The following FBXO7 variants were observed in gnomAD, a reference collection of about 807,000 sequenced individuals.
FBXO7 encodes the protein F-box protein 7, also known as F-box only protein 7.
FBXO7 carries 31 observed loss-of-function variants against 50.2 expected under a neutral mutation model. That is an observed-to-expected ratio of 0.62 (90% confidence interval 0.46 to 0.83). FBXO7 has a LOEUF of 0.83. Among genes scored for constraint, FBXO7 ranks in the 40% least tolerant of loss-of-function variants. The probability of loss-of-function intolerance (pLI) is 0.00; values close to 1 mark genes in which losing one functional copy is unlikely to be tolerated. For synonymous variants in FBXO7, 256 were observed against 253.1 expected, an observed-to-expected ratio of 1.01 and a Z score of -0.11; for missense variants, 667 against 646.6, an observed-to-expected ratio of 1.03 and a Z score of -0.34.
rs755425938 is a variant in FBXO7, at chr22:32,487,748, C to T, written c.791C>T (p.Thr264Ile). 6.3e-7 allele frequency: 1 copy of T among 1,594,346 alleles called. No individual in the cohort carries two copies. The highest frequency in any genetic ancestry group is 8.6e-7 in the Non-Finnish European group (1 of 1,163,004). The part of the protein sequence containing the change: ...PLGNLIVVNA[T>I]LKINNEIRSV... The stretch of plus-strand genomic sequence containing the variant: ...TCTTTCTTTTGTTTATTTACAGCTA[C>T]ACTAAAAATCAACAATGAGATTAGA... The change falls in exon 5 of 9, where the codon ACA (threonine) becomes ATA (isoleucine). Residue 264 changes from threonine (T) to isoleucine (I), a missense_variant. Transcript: ENST00000266087.
intron 6 of FBXO7, 76 bp downstream of exon 6, chr22:32,491,257 GA>G: frequency 9.4e-7 from 1 of 1,066,706 alleles, no homozygotes; most frequent in East Asian, 2.4e-5. Context: ...TGGTGAGTAT[GA>G]CATCTGACTG....
chr22:32,486,916 A>G (rs933057874), intron 4 of FBXO7, among the ~76,000 whole-genome samples: 3 of 152,240 alleles, frequency 2.0e-5, no homozygotes, highest in Non-Finnish European at 1.5e-5. Context: ...CAAATAGTAA[A>G]TGTGTAGTTG....
Position 32,490,270 on chromosome 22 carries a change from T to G in FBXO7, c.872-816T>G, listed in dbSNP as rs368025234. On this transcript the variant is annotated intron_variant, in intron 5 of 8. Coordinates refer to ENST00000266087, the MANE Select transcript of FBXO7 (RefSeq NM_012179.4). ...AAACAGTTGAGCAAAAAGGTGAGGA[T>G]CAGAGGGGCAGGTTATTTGTCCAAG... The G allele has an allele frequency of 5.3e-5, 8 of 152,296 alleles. No individual in the cohort carries two copies. In the South Asian group the frequency reaches 8.3e-4, roughly 16 times the overall value. The allele number at this position is 152,296 out of a possible 1,614,324, so 9.4% of individuals were successfully genotyped here.
At chr22:32,489,350 A>C (rs1186115014) in intron 5 of FBXO7, 1 of 152,256 alleles carries the variant, frequency 6.6e-6, no homozygotes, top group Non-Finnish European at 1.5e-5. Context: ...CATAAACTGG[A>C]CTGATGAATT....
At chr22:32,492,883 A>G in intron 6 of FBXO7, 1 of 584,554 alleles carries the variant, frequency 1.7e-6, no homozygotes, top group South Asian at 2.1e-5. Flanking sequence ...CCACTAAAAC[A>G]TAAAGGGAAT....
chr22:32,479,354 C>A, intron 2 of FBXO7, 79 bp downstream of exon 2: 2 of 1,318,294 alleles, frequency 1.5e-6, no homozygotes, highest in Non-Finnish European at 2.2e-6. Flanking sequence ...CTGTTCCAGT[C>A]AGGATAATTA....
At chr22:32,485,025 C>T in intron 3 of FBXO7, 43 bp from the exon 4 acceptor site, 1 of 1,613,484 alleles carries the variant, frequency 6.2e-7, no homozygotes, top group Non-Finnish European at 8.5e-7. Flanking sequence ...TTGAGAGTAA[C>T]ACCTTTCTTC....
At chr22:32,475,348 G>C (rs768988785) in intron 1 of FBXO7, 2 of 1,608,572 alleles carry the variant, frequency 1.2e-6, no homozygotes, top group African/African-American at 1.3e-5. Flanking sequence ...GCTGGGGTCC[G>C]GCTCCTGGAG....
chr22:32,478,378 A>G (rs1331196274), intron 1 of FBXO7, among the ~76,000 whole-genome samples: 1 of 152,184 alleles, frequency 6.6e-6, no homozygotes, highest in Non-Finnish European at 1.5e-5. Flanking sequence ...GTCAATTGAT[A>G]TGTCATTGAT....
In FBXO7 at chr22:32,474,888, G is replaced by A. The variant is rs2057415313; in HGVS notation, c.-115G>A. ...CCCGTTTCGCCTCAGCTACCCCTCA[G>A]CTCCGGTAGTCGCCAGTCCGGGGTC... On this transcript the variant is annotated 5_prime_UTR_variant, in exon 1 of 9. Transcript: ENST00000266087. 1 of 1,063,740 alleles carries A rather than the reference G, an allele frequency of 9.4e-7. No individual in the cohort carries two copies. The highest frequency in any genetic ancestry group is 2.8e-5 in the Admixed American group (1 of 35,912). The allele number at this position is 1,063,740 out of a possible 1,614,324, so 65.9% of individuals were successfully genotyped here. A position where few individuals can be genotyped will look rare whatever the true frequency, so the allele number is the denominator to read the frequency against.
At chr22:32,475,608 C>G (rs780439554) in intron 1 of FBXO7, 2 of 617,262 alleles carry the variant, frequency 3.2e-6, no homozygotes, top group South Asian at 2.5e-5. Flanking sequence ...AAAATCTGCC[C>G]TCAATCCGAG....
Position 32,498,149 on chromosome 22 carries a change from C to T in FBXO7, c.1188C>T (p.Tyr396=), listed in dbSNP as rs2057587604. ...TATTTTTCTTTTTTCTACAGCTGTA[C>T]AGGAAGAGGCACATACAAAGAAAAG... The part of the protein sequence containing the change: ...RVQDTDWKEL[Y]RKRHIQRKES... Residue 396 remains tyrosine, a synonymous_variant, in exon 9 of 9, where the codon TAC becomes TAT. Coordinates refer to ENST00000266087, the MANE Select transcript of FBXO7 (RefSeq NM_012179.4). 1.2e-6 allele frequency: 2 copies of T among 1,614,016 alleles called. No homozygotes were observed. The highest frequency in any genetic ancestry group is 1.7e-6 in the Non-Finnish European group (2 of 1,180,006).
intron 6 of FBXO7, chr22:32,492,219 T>C (rs1257127933): frequency 2.0e-5 from 3 of 152,232 alleles, no homozygotes; most frequent in Non-Finnish European, 4.4e-5. Flanking sequence ...TTATTTGCTC[T>C]CTATATGTAG....
chr22:32,481,002 G>C (rs1478832489), intron 2 of FBXO7, among the ~76,000 whole-genome samples: 1 of 152,018 alleles, frequency 6.6e-6, no homozygotes, highest in East Asian at 1.9e-4. Flanking sequence ...TGGTGCAAAT[G>C]ATCACCTTTA....
In FBXO7 at chr22:32,498,252, C is replaced by G. The variant is rs753371451; in HGVS notation, c.1291C>G (p.Pro431Ala). ...TIPFYPNPLHPRPFPSSRLPP... is the reference protein window; with the variant it reads ...TIPFYPNPLHARPFPSSRLPP... ...TCCATTCTATCCCAACCCCTTGCAC[C>G]CTAGGCCATTTCCTAGCTCCCGCCT... Residue 431 changes from proline to alanine, a missense_variant, in exon 9 of 9, where the codon CCT becomes GCT. Coordinates refer to ENST00000266087, the MANE Select transcript of FBXO7 (RefSeq NM_012179.4). The G allele has an allele frequency of 6.2e-7, 1 of 1,614,200 alleles. No homozygotes were observed. Among genetic ancestry groups the G allele is most frequent in the Non-Finnish European group, 8.5e-7 (1 of 1,180,038 alleles).
intron 2 of FBXO7, among the ~76,000 whole-genome samples, chr22:32,482,799 T>C (rs1028122654): frequency 2.0e-5 from 3 of 152,252 alleles, no homozygotes; most frequent in Non-Finnish European, 2.9e-5. Context: ...CTAGGTACTT[T>C]ACTGGGGTTA....
rs769478327 is a variant in FBXO7, at chr22:32,483,972, C to A, written c.493C>A (p.Pro165Thr). ...AHMAEGTGFY[P>T]SEPMLCSESV... ...TATGGCAGAGGGCACAGGTTTCTATCCCTCAGAACCCATGCTCTGTAGTGA... is the reference window on the plus strand; with the variant it reads ...TATGGCAGAGGGCACAGGTTTCTATACCTCAGAACCCATGCTCTGTAGTGA... The change falls in exon 3 of 9, where the codon CCC becomes ACC. Residue 165 changes from proline to threonine, a missense_variant. Physicochemically the swap from Pro to Thr is conservative, Grantham distance 38. Coordinates refer to ENST00000266087, the MANE Select transcript of FBXO7 (RefSeq NM_012179.4). 2 of 1,614,162 alleles carry A rather than the reference C, an allele frequency of 1.2e-6. No homozygotes were observed. The highest frequency in any genetic ancestry group is 2.2e-5 in the East Asian group (1 of 44,872).
At chr22:32,497,759 A>G (rs1040700563) in intron 8 of FBXO7, among the ~76,000 whole-genome samples, 24 of 152,352 alleles carry the variant, frequency 1.6e-4, no homozygotes, top group Non-Finnish European at 3.1e-4. Flanking sequence ...AGAAATTGCC[A>G]CAGCCACTTC....
chr22:32,489,622 AC>A (rs1362686502), intron 5 of FBXO7: 1 of 152,220 alleles, frequency 6.6e-6, no homozygotes, highest in South Asian at 2.1e-4. Context: ...TTTTAAAACA[AC>A]TTTTACAGGA....
Sources: gnomAD v4.1 joint callset for allele counts (sites outside exome capture counted in the v4.1 genomes callset) on GRCh38, gnomAD v4.1.1 for gene constraint, MANE v1.5 for transcripts, NCBI Gene and HGNC (gene_info 2026-07-23, HGNC 2026-07-21) for gene names.